The following MGAT4C variants were observed in gnomAD, a reference collection of about 807,000 sequenced individuals.
MGAT4C encodes MGAT4 family member C.
MGAT4C carries 19 observed loss-of-function variants against 40.1 expected under a neutral mutation model. That is an observed-to-expected ratio of 0.47 (90% confidence interval 0.33 to 0.70). The LOEUF (loss-of-function observed/expected upper bound fraction) is 0.70. Ranked by LOEUF, MGAT4C falls within the 30% of genes least tolerant of loss-of-function variation. MGAT4C has a pLI of 0.02. For synonymous variants in MGAT4C, 181 were observed against 187.1 expected, an observed-to-expected ratio of 0.97 and a Z score of 0.27; for missense variants, 491 against 563.2, an observed-to-expected ratio of 0.87 and a Z score of 1.30.
chr12:86,339,508 T>C (rs1360391089), intron 3 of MGAT4C, among the ~76,000 whole-genome samples: 1 of 152,176 alleles, frequency 6.6e-6, no homozygotes, highest in African/African-American at 2.4e-5. Context: ...AGATACATGT[T>C]TTTCCTTGAT....
chr12:86,536,588 T>C (rs1003800631), intron 2 of MGAT4C, among the ~76,000 whole-genome samples: 9 of 152,076 alleles, frequency 5.9e-5, no homozygotes. Flanking sequence ...AGCATTCAGG[T>C]AGTAAAAAAT....
intron 1 of MGAT4C, among the ~76,000 whole-genome samples, chr12:86,132,373 T>G (rs772789779): frequency 2.6e-5 from 4 of 152,140 alleles, no homozygotes; most frequent in Non-Finnish European, 4.4e-5. Flanking sequence ...TCTTTTTTTT[T>G]GCCTGAATTT....
intron 2 of MGAT4C, among the ~76,000 whole-genome samples, chr12:86,656,703 C>A (rs1369134404): frequency 6.6e-6 from 1 of 152,010 alleles, no homozygotes; most frequent in African/African-American, 2.4e-5. Context: ...TATTCTGAAA[C>A]CTTGTGTTTT....
intron 1 of MGAT4C, among the ~76,000 whole-genome samples, chr12:86,252,171 C>T (rs1952317624): frequency 6.6e-6 from 1 of 152,006 alleles, no homozygotes; most frequent in South Asian, 2.1e-4. Context: ...GTCATAGCTT[C>T]AGAGGCAGAG....
chr12:86,415,068 A>G (rs1032524672), intron 3 of MGAT4C, among the ~76,000 whole-genome samples: 7 of 152,066 alleles, frequency 4.6e-5, no homozygotes, highest in Non-Finnish European at 1.0e-4. Flanking sequence ...TTCTAGCAGC[A>G]GCAGATAATC....
chr12:86,691,174 T>C (rs1165690442), intron 2 of MGAT4C, among the ~76,000 whole-genome samples: 2 of 152,230 alleles, frequency 1.3e-5, no homozygotes, highest in African/African-American at 2.4e-5. Context: ...AAAGGACTAG[T>C]ATGTTTTGGA....
At chr12:86,186,163 T>G (rs894445829) in intron 1 of MGAT4C, among the ~76,000 whole-genome samples, 1 of 152,068 alleles carries the variant, frequency 6.6e-6, no homozygotes, top group Non-Finnish European at 1.5e-5. Flanking sequence ...ACTAGTGCCT[T>G]CCAACCATAG....
intron 3 of MGAT4C, among the ~76,000 whole-genome samples, chr12:86,426,060 T>A (rs1956919429): frequency 6.6e-6 from 1 of 152,226 alleles, no homozygotes; most frequent in Non-Finnish European, 1.5e-5. Flanking sequence ...ATAAACATAT[T>A]TAAATATCTG....
intron 1 of MGAT4C, among the ~76,000 whole-genome samples, chr12:86,755,747 A>G (rs2136146198): frequency 6.6e-6 from 1 of 151,822 alleles, no homozygotes; most frequent in Non-Finnish European, 1.5e-5. Flanking sequence ...TCCCCAGCTC[A>G]GGTGACTCTC....
chr12:86,138,375 C>T (rs886723741), intron 1 of MGAT4C, among the ~76,000 whole-genome samples: 1 of 150,964 alleles, frequency 6.6e-6, no homozygotes, highest in Non-Finnish European at 1.5e-5. Flanking sequence ...ACTGCCTCCT[C>T]AGGATTCCCA....
At chr12:86,598,942 G>T in intron 2 of MGAT4C, among the ~76,000 whole-genome samples, 1 of 152,098 alleles carries the variant, frequency 6.6e-6, no homozygotes, top group East Asian at 1.9e-4. Flanking sequence ...ACTGAAATAA[G>T]TAAATAAATA....
At chr12:86,624,096 C>G in intron 2 of MGAT4C, among the ~76,000 whole-genome samples, 1 of 152,064 alleles carries the variant, frequency 6.6e-6, no homozygotes, top group Non-Finnish European at 1.5e-5. Context: ...GGTGTTTGGA[C>G]ATATGTCATA....
At chr12:86,444,189 T>A (rs1592855368) in intron 2 of MGAT4C, among the ~76,000 whole-genome samples, 1 of 152,302 alleles carries the variant, frequency 6.6e-6, no homozygotes, top group South Asian at 2.1e-4. Context: ...TCATTTTACC[T>A]GATGTTCTAA....
Position 85,980,044 on chromosome 12 carries a change from G to A in MGAT4C, c.682C>T (p.Arg228Ter), listed in dbSNP as rs757444701. Residue 228 changes from arginine (R) to a stop codon, truncating the protein, a stop_gained, in exon 5 of 5, where the codon CGA (arginine) becomes TGA (stop). Coordinates refer to ENST00000611864, the MANE Select transcript of MGAT4C (RefSeq NM_001351288.2). LOFTEE classifies it high-confidence loss of function. The part of the protein sequence containing the change: ...DYYVMLEDDV[R>*]CSKNFLTAIK... Reference sequence around the variant, plus strand: ...GCAGTTAAGAAATTTTTTGAACATCGAACATCATCTTCAAGCATTACATAA... The same window carrying A: ...GCAGTTAAGAAATTTTTTGAACATCAAACATCATCTTCAAGCATTACATAA... 5 of 1,613,340 alleles carry A rather than the reference G, an allele frequency of 3.1e-6. No individual in the cohort carries two copies. Among genetic ancestry groups the A allele is most frequent in the Admixed American group, 1.7e-5 (1 of 59,884 alleles).
intron 1 of MGAT4C, chr12:86,068,638 C>T (rs1894791121): frequency 6.6e-6 from 1 of 151,168 alleles, no homozygotes; most frequent in Admixed American, 6.6e-5. Context: ...ACAGACACTT[C>T]CAGGAAATGC....
At chr12:86,789,917 C>G (rs1447134689) in intron 1 of MGAT4C, among the ~76,000 whole-genome samples, 1 of 152,046 alleles carries the variant, frequency 6.6e-6, no homozygotes, top group African/African-American at 2.4e-5. Flanking sequence ...TGACCTTTTT[C>G]AACCATCTGT....
At chr12:86,074,891 G>A (rs1869369629) in intron 1 of MGAT4C, among the ~76,000 whole-genome samples, 1 of 152,134 alleles carries the variant, frequency 6.6e-6, no homozygotes, top group Non-Finnish European at 1.5e-5. Context: ...TCTCCTACCA[G>A]ATCCCTCCCA....
At chr12:86,832,145 C>T (rs918516897) in intron 1 of MGAT4C, among the ~76,000 whole-genome samples, 3 of 151,752 alleles carry the variant, frequency 2.0e-5, no homozygotes, top group Non-Finnish European at 2.9e-5. Flanking sequence ...CAGGAATTTA[C>T]ACAACATCAT....
chr12:86,522,193 G>A (rs1958806601), intron 2 of MGAT4C, among the ~76,000 whole-genome samples: 2 of 152,130 alleles, frequency 1.3e-5, no homozygotes, highest in African/African-American at 2.4e-5. Context: ...GTTTCAAGAG[G>A]AATGCTTTCA....
Sources: gnomAD v4.1 joint callset for allele counts (sites outside exome capture counted in the v4.1 genomes callset) on GRCh38, gnomAD v4.1.1 for gene constraint, MANE v1.5 for transcripts, NCBI Gene and HGNC (gene_info 2026-07-23, HGNC 2026-07-21) for gene names.